The following DOK6 variants were observed in gnomAD, a reference collection of about 807,000 sequenced individuals.
The protein encoded by DOK6 is docking protein 6.
DOK6 carries 22 observed loss-of-function variants against 44.0 expected under a neutral mutation model. The observed-to-expected ratio is 0.50, with a 90% CI of 0.36 to 0.71. DOK6 has a LOEUF of 0.71. DOK6 is among the 30% of genes least tolerant of loss of function. The pLI, the probability that DOK6 is intolerant of heterozygous loss-of-function variation, is 0.00. For synonymous variants in DOK6, 166 were observed against 145.5 expected (o/e 1.14, Z -1.01); for missense variants, 340 against 416.4 (o/e 0.82, Z 1.60).
chr18:69,401,458 A>T, intron 1 of DOK6, 148 bp downstream of exon 1: 202 of 807,144 alleles, frequency 2.5e-4, no homozygotes, highest in Middle Eastern at 8.7e-4. Context: ...TTGCTTGGCC[A>T]GGTGGGGGCC....
In DOK6 at chr18:69,688,210, A is replaced by T. The variant is rs984245590; in HGVS notation, c.410-10194A>T. 2.6e-5 allele frequency among the ~76,000 whole-genome samples: 4 copies of T among 152,234 alleles called. 1 individual carries two copies. In the South Asian group the frequency reaches 8.3e-4, roughly 31 times the overall value. The stretch of plus-strand genomic sequence containing the variant: ...TTAAAAGATCTAGGTAAATGAAATG[A>T]TAAACCACTTTTATGATTGGAACAC... On this transcript the variant is annotated intron_variant, in intron 4 of 7. Coordinates refer to ENST00000382713, the MANE Select transcript of DOK6 (RefSeq NM_152721.6).
intron 3 of DOK6, among the ~76,000 whole-genome samples, chr18:69,611,555 G>A (rs1383340417): frequency 1.3e-5 from 2 of 151,078 alleles, no homozygotes; most frequent in Admixed American, 6.6e-5. Flanking sequence ...AGCTTTATTT[G>A]TAAGAGCCCC....
chr18:69,436,407 A>G (rs1446715268), intron 1 of DOK6, among the ~76,000 whole-genome samples: 1 of 152,062 alleles, frequency 6.6e-6, no homozygotes, highest in Non-Finnish European at 1.5e-5. Flanking sequence ...ATGAGTGAGA[A>G]CATGCGGTGT....
intron 3 of DOK6, chr18:69,660,499 C>G (rs577543035): frequency 1.3e-5 from 2 of 152,118 alleles, no homozygotes; most frequent in South Asian, 4.1e-4. Flanking sequence ...AGCACAATTA[C>G]TAAAATAATT....
intron 1 of DOK6, among the ~76,000 whole-genome samples, chr18:69,405,253 G>A (rs548221958): frequency 6.6e-6 from 1 of 152,156 alleles, no homozygotes; most frequent in South Asian, 2.1e-4. Context: ...TCTCTCAACA[G>A]CTTTCCTCGG....
intron 6 of DOK6, among the ~76,000 whole-genome samples, chr18:69,748,893 A>G (rs1979075404): frequency 6.6e-6 from 1 of 152,180 alleles, no homozygotes. Flanking sequence ...TAGCAAATAC[A>G]TGGAATCAAC....
At chr18:69,647,890 G>A (rs1985124914) in intron 3 of DOK6, among the ~76,000 whole-genome samples, 1 of 152,048 alleles carries the variant, frequency 6.6e-6, no homozygotes, top group African/African-American at 2.4e-5. Context: ...CCGCCGGCAG[G>A]GATATGTTAA....
At chr18:69,794,191 T>G (rs1039149557) in intron 7 of DOK6, among the ~76,000 whole-genome samples, 2 of 152,090 alleles carry the variant, frequency 1.3e-5, no homozygotes, top group Non-Finnish European at 2.9e-5. Context: ...GGGGCCCCAT[T>G]TTCACGTCTT....
rs138195236 is a variant in DOK6, at chr18:69,771,366, G to A, written c.856+13493G>A. Among the ~76,000 whole-genome samples the A allele has an allele frequency of 4.0e-4, 61 of 151,978 alleles. No homozygotes were observed. The East Asian group carries it at 5.8e-3, about 14-fold the overall frequency. ...AACAAAGTCTAAGTGGCAATTAAGG[G>A]CTGCATAATATTCTACTGCAAACTC... On this transcript the variant is annotated intron_variant, in intron 7 of 7. Transcript: ENST00000382713.
rs889785633 is a variant in DOK6 at position 69,400,976 on chromosome 18, G to C, written c.-269G>C. ...CCCGCAGCTGGCGGAGGCGCGGGCC[G>C]CGGCGCTGGGCTCGCGGCGGGGAGC... On this transcript the variant is annotated 5_prime_UTR_variant, in exon 1 of 8. Transcript: ENST00000382713. 6.7e-6 allele frequency: 1 copy of C among 148,304 alleles called. No homozygotes were observed. Among genetic ancestry groups the C allele is most frequent in the African/African-American group, 2.4e-5 (1 of 40,834 alleles). The allele number at this position is 148,304 out of a possible 1,614,324, so 9.2% of individuals were successfully genotyped here.
chr18:69,625,245 A>T (rs74642801), intron 3 of DOK6, among the ~76,000 whole-genome samples: 6 of 152,116 alleles, frequency 3.9e-5, no homozygotes, highest in African/African-American at 1.4e-4. Flanking sequence ...GATAAGTTGG[A>T]GTTGTTTTAT....
chr18:69,427,701 A>T (rs142164980), intron 1 of DOK6, among the ~76,000 whole-genome samples: 25 of 152,340 alleles, frequency 1.6e-4, no homozygotes, highest in African/African-American at 5.5e-4. Flanking sequence ...ACATGGAATC[A>T]GCCTAAATGC....
intron 2 of DOK6, among the ~76,000 whole-genome samples, chr18:69,598,494 T>C (rs1983798988): frequency 6.6e-6 from 1 of 152,086 alleles, no homozygotes; most frequent in Non-Finnish European, 1.5e-5. Flanking sequence ...CTGTTTACTA[T>C]GCTAGTTAAT....
intron 7 of DOK6, among the ~76,000 whole-genome samples, chr18:69,820,072 A>G (rs1172113564): frequency 6.6e-6 from 1 of 152,124 alleles, no homozygotes; most frequent in Non-Finnish European, 1.5e-5. Context: ...TCCTTTTTTA[A>G]GGCTGAGTAA....
chr18:69,749,563 G>A (rs1285457236), intron 6 of DOK6, among the ~76,000 whole-genome samples: 5 of 152,072 alleles, frequency 3.3e-5, no homozygotes, highest in Non-Finnish European at 7.4e-5. Context: ...ATCAATCAAA[G>A]CTTCAGCATC....
chr18:69,476,433 ATCAGAG>A lies in DOK6; in HGVS notation c.66+75124_66+75129del, dbSNP rs1362091370. 1.7e-3 allele frequency among the ~76,000 whole-genome samples: 258 copies of A among 152,324 alleles called. 2 individuals are homozygous for A. Among genetic ancestry groups the A allele is most frequent in the East Asian group, 0.013 (66 of 5,182 alleles). The stretch of plus-strand genomic sequence containing the variant: ...TTGTTTTCTCAAGAGCGGAAGAGAA[ATCAGAG>A]GGATTCTTGGAAGGCACGGGTAATC... On this transcript the variant is annotated intron_variant, in intron 1 of 7. Transcript: ENST00000382713.
Position 69,711,552 on chromosome 18 carries a change from A to T in DOK6, c.599+12959A>T, listed in dbSNP as rs116412222. The stretch of plus-strand genomic sequence containing the variant: ...TTGGATTACAATTAGTATACATGAA[A>T]AAATAATGCTACTCTATTCTTTAAT... On this transcript the variant is annotated intron_variant, in intron 5 of 7. Transcript: ENST00000382713. Among the ~76,000 whole-genome samples the T allele has an allele frequency of 9.0e-3, 1,372 of 152,348 alleles. 21 individuals are homozygous for T. The highest frequency in any genetic ancestry group is 0.03 in the African/African-American group (1,249 of 41,584).
chr18:69,473,853 T>C (rs73468812), intron 1 of DOK6, among the ~76,000 whole-genome samples: 29,783 of 152,162 alleles, frequency 0.2, 3,313 homozygotes, highest in Non-Finnish European at 0.23. Flanking sequence ...AAGCAGGATA[T>C]GTTCCTTCTG....
chr18:69,583,904 C>G (rs569707126), intron 2 of DOK6, among the ~76,000 whole-genome samples: 2 of 152,052 alleles, frequency 1.3e-5, no homozygotes, highest in Non-Finnish European at 2.9e-5. Flanking sequence ...GTCAGGAGAT[C>G]GAGACCATCC....
Sources: gnomAD v4.1 joint callset for allele counts (sites outside exome capture counted in the v4.1 genomes callset) on GRCh38, gnomAD v4.1.1 for gene constraint, MANE v1.5 for transcripts, NCBI Gene and HGNC (gene_info 2026-07-23, HGNC 2026-07-21) for gene names.